Variants in SCMH1 observed in about 807,000 individuals in gnomAD.
SCMH1 encodes polycomb protein SCMH1.
SCMH1 carries 37 observed loss-of-function variants against 70.8 expected under a neutral mutation model. The ratio of observed to expected loss-of-function variants is 0.52; its 90% CI spans 0.40 to 0.69. SCMH1 has a LOEUF of 0.69. Among genes scored for constraint, SCMH1 ranks in the 30% least tolerant of loss-of-function variants. The probability of loss-of-function intolerance (pLI) is 0.00; values close to 1 mark genes in which losing one functional copy is unlikely to be tolerated. For synonymous variants in SCMH1, 292 were observed against 307.4 expected, an observed-to-expected ratio of 0.95 and a Z score of 0.52; for missense variants, 607 against 827.3, an observed-to-expected ratio of 0.73 and a Z score of 3.27.
intron 8 of SCMH1, among the ~76,000 whole-genome samples, chr1:41,078,081 A>C (rs1379665869): frequency 6.6e-6 from 1 of 152,190 alleles, no homozygotes; most frequent in Non-Finnish European, 1.5e-5. Context: ...CTAAATGGAC[A>C]TCTTATAACT....
chr1:41,214,002 C>T (rs1043137800), intron 1 of SCMH1, among the ~76,000 whole-genome samples: 16 of 152,062 alleles, frequency 1.1e-4, no homozygotes, highest in African/African-American at 3.4e-4. Context: ...AAAAACCCAA[C>T]ATGTATTGTT....
chr1:41,154,444 C>T (rs965049963), intron 4 of SCMH1, among the ~76,000 whole-genome samples: 1 of 152,158 alleles, frequency 6.6e-6, no homozygotes, highest in African/African-American at 2.4e-5. Flanking sequence ...AAGATGAAGA[C>T]AATATCTGTC....
At chr1:41,225,745 T>C (rs914771836) in intron 1 of SCMH1, among the ~76,000 whole-genome samples, 1 of 152,166 alleles carries the variant, frequency 6.6e-6, no homozygotes, top group Non-Finnish European at 1.5e-5. Context: ...CTATAGAAAA[T>C]GACAGGTGGT....
intron 1 of SCMH1, among the ~76,000 whole-genome samples, chr1:41,194,726 G>C (rs1652577051): frequency 6.6e-6 from 1 of 151,608 alleles, no homozygotes; most frequent in African/African-American, 2.4e-5. Flanking sequence ...ACATGACCAG[G>C]GCCATTTGAC....
intron 1 of SCMH1, among the ~76,000 whole-genome samples, chr1:41,205,489 C>T (rs527290360): frequency 3.9e-5 from 6 of 152,346 alleles, no homozygotes; most frequent in Non-Finnish European, 7.3e-5. Context: ...GCTCTCAGCT[C>T]TGAAGGCTGT....
chr1:41,075,087 C>G, intron 9 of SCMH1, 132 bp downstream of exon 9: 1 of 803,620 alleles, frequency 1.2e-6, no homozygotes, highest in African/African-American at 1.7e-5. Context: ...TGGTCTCGAT[C>G]TCCTGACCTC....
intron 1 of SCMH1, among the ~76,000 whole-genome samples, chr1:41,199,338 C>T (rs909837225): frequency 6.6e-6 from 1 of 152,172 alleles, no homozygotes; most frequent in Non-Finnish European, 1.5e-5. Flanking sequence ...ATTGTCTTGA[C>T]TTCTATCACC....
At chr1:41,179,986 T>A (rs1398692784) in intron 2 of SCMH1, among the ~76,000 whole-genome samples, 2 of 152,156 alleles carry the variant, frequency 1.3e-5, no homozygotes, top group African/African-American at 4.8e-5. Context: ...GCAAACCGAA[T>A]CCAGCAGCAC....
At chr1:41,176,956 T>G (rs1238866313) in intron 2 of SCMH1, among the ~76,000 whole-genome samples, 4 of 152,170 alleles carry the variant, frequency 2.6e-5, no homozygotes, top group Non-Finnish European at 4.4e-5. Flanking sequence ...CCTCCTCAAG[T>G]GGGTCCCTGA....
rs138897053 is a variant in SCMH1, at chr1:41,054,133, C to T, written c.1106-5243G>A. ...TGCTGGGATTACAGGTGTGAACCAC[C>T]GCGCCCGGCCTAAAGGTTCTTAATG... On this transcript the variant is annotated intron_variant, in intron 10 of 14. Coordinates refer to ENST00000337495, the Ensembl canonical transcript of SCMH1. Among the ~76,000 whole-genome samples, 180 of 152,130 alleles carry T rather than the reference C, an allele frequency of 1.2e-3. 2 individuals are homozygous for T. Among genetic ancestry groups the T allele is most frequent in the South Asian group, 8.3e-3 (40 of 4,814 alleles).
chr1:41,102,021 C>T (rs1666762399), intron 8 of SCMH1, among the ~76,000 whole-genome samples: 1 of 152,206 alleles, frequency 6.6e-6, no homozygotes, highest in Non-Finnish European at 1.5e-5. Context: ...TAGGCCTCTG[C>T]TGCCTTCTAG....
Position 41,046,422 on chromosome 1 carries a change from C to T in SCMH1, c.1483G>A (p.Asp495Asn), listed in dbSNP as rs375356330. ...CAGCTCCTACCTGGTAGGTACCTGTCGTGGCTGTGGCTGTACTCTATGGCA... is the reference window on the plus strand; with the variant it reads ...CAGCTCCTACCTGGTAGGTACCTGTTGTGGCTGTGGCTGTACTCTATGGCA... The change falls in exon 12 of 15, where the codon GAC becomes AAC. Residue 495 changes from aspartate to asparagine, a missense_variant. Transcript: ENST00000337495. 9.4e-5 allele frequency: 151 copies of T among 1,613,928 alleles called. No homozygotes were observed. The highest frequency in any genetic ancestry group is 1.2e-4 in the Non-Finnish European group (137 of 1,179,974).
intron 6 of SCMH1, among the ~76,000 whole-genome samples, chr1:41,134,388 C>G (rs1642919602): frequency 6.6e-6 from 1 of 152,188 alleles, no homozygotes; most frequent in African/African-American, 2.4e-5. Context: ...CAAGGATGCC[C>G]TCTCTCACCA....
intron 1 of SCMH1, among the ~76,000 whole-genome samples, chr1:41,211,251 T>G (rs1337691360): frequency 6.6e-6 from 1 of 152,160 alleles, no homozygotes; most frequent in Non-Finnish European, 1.5e-5. Flanking sequence ...GGGAGAAAAT[T>G]TCTGCAATCC....
At chr1:41,028,164 C>G in exon 15 of SCMH1, 1 of 1,613,550 alleles carries the variant, frequency 6.2e-7, no homozygotes, top group South Asian at 1.1e-5. Context: ...CACCTGCTGC[C>G]ACTTGGTTGT....
At chr1:41,217,909 TTC>T (rs1025143131) in intron 1 of SCMH1, among the ~76,000 whole-genome samples, 2 of 152,224 alleles carry the variant, frequency 1.3e-5, no homozygotes, top group African/African-American at 4.8e-5. Flanking sequence ...GACTCCTTTA[TTC>T]TTTCCATTTT....
At chr1:41,121,926 T>A (rs1672049737) in intron 6 of SCMH1, among the ~76,000 whole-genome samples, 1 of 152,056 alleles carries the variant, frequency 6.6e-6, no homozygotes, top group Non-Finnish European at 1.5e-5. Context: ...ACCCAATTAA[T>A]CAGCAAGTCT....
chr1:41,119,709 T>C (rs761401382), intron 6 of SCMH1, among the ~76,000 whole-genome samples: 1 of 152,168 alleles, frequency 6.6e-6, no homozygotes, highest in Non-Finnish European at 1.5e-5. Flanking sequence ...CACTGCTACA[T>C]GGAGAACAGA....
chr1:41,047,516 C>T (rs1399155065), intron 11 of SCMH1, among the ~76,000 whole-genome samples: 1 of 151,846 alleles, frequency 6.6e-6, no homozygotes, highest in Non-Finnish European at 1.5e-5. Context: ...CTTGCCTCAG[C>T]CTCCCGAGTA....
Sources: allele counts gnomAD v4.1 joint callset (sites outside exome capture counted in the v4.1 genomes callset), GRCh38; gene constraint gnomAD v4.1.1; transcripts MANE v1.5; gene names NCBI Gene and HGNC (gene_info 2026-07-23, HGNC 2026-07-21).